Variants in PRDM5 observed in about 807,000 individuals in gnomAD.
PRDM5 encodes the protein PR/SET domain 5, also known as PR domain zinc finger protein 5.
A neutral mutation model predicts 81.2 loss-of-function variants in PRDM5; 56 were observed. The observed-to-expected ratio is 0.69, with a 90% CI of 0.56 to 0.86. The LOEUF (loss-of-function observed/expected upper bound fraction) is 0.86. Ranked by LOEUF, PRDM5 falls within the 40% of genes least tolerant of loss-of-function variation. The probability of loss-of-function intolerance (pLI) is 0.00; values close to 1 mark genes in which losing one functional copy is unlikely to be tolerated. For missense variants in PRDM5, 697 were observed against 770.1 expected (o/e 0.91, Z 1.12); for synonymous variants, 267 against 256.4 (o/e 1.04, Z -0.39).
chr4:120,865,618 C>T lies in PRDM5; in HGVS notation c.178-12078G>A, dbSNP rs542201972. On this transcript the variant is annotated intron_variant, in intron 2 of 15. Transcript: ENST00000264808. Reference sequence around the variant, plus strand: ...ATAGCGATGCATGGTTGGATTTGCTCGAGGTCAGATGACTGCTAGCCCAGA... The same window carrying T: ...ATAGCGATGCATGGTTGGATTTGCTTGAGGTCAGATGACTGCTAGCCCAGA... 8.5e-5 allele frequency among the ~76,000 whole-genome samples: 13 copies of T among 152,248 alleles called. No homozygotes were observed. In the East Asian group the frequency reaches 2.5e-3, roughly 29 times the overall value.
At chr4:120,699,161 AATATATATATATATATATAT>A (rs70948358) in intron 15 of PRDM5, among the ~76,000 whole-genome samples, 68 of 73,482 alleles carry the variant, frequency 9.3e-4, no homozygotes, top group African/African-American at 2.0e-3. Context: ...AGGAAATATA[AATATATATATATATATATAT>A]ATATATATAT....
rs1469515609 is a variant in PRDM5, at chr4:120,816,457, G to A, written c.861C>T (p.His287=). 1 of 1,614,210 alleles carries A rather than the reference G, an allele frequency of 6.2e-7. No individual in the cohort carries two copies. The highest frequency in any genetic ancestry group is 1.1e-5 in the South Asian group (1 of 91,090). The change falls in exon 7 of 16, where the codon CAC becomes CAT. Residue 287 remains histidine (H), a synonymous_variant. Transcript: ENST00000264808. The part of the protein sequence containing the change: ...DALKRHQENV[H]TGDPKKKLIC... Reference sequence around the variant, plus strand: ...GACCCTCCAACGACTCCTCACCAGTGTGGACATTTTCCTGGTGTCTTTTCA... The same window carrying A: ...GACCCTCCAACGACTCCTCACCAGTATGGACATTTTCCTGGTGTCTTTTCA...
chr4:120,799,800 C>G (rs764178210), intron 8 of PRDM5, 55 bp from the exon 9 acceptor site: 18 of 1,587,776 alleles, frequency 1.1e-5, no homozygotes, highest in Non-Finnish European at 1.4e-5. Context: ...GTAAATTACA[C>G]AGCTCTCAAG....
At chr4:120,919,912 CTT>C (rs1311850136) in intron 1 of PRDM5, among the ~76,000 whole-genome samples, 4 of 152,080 alleles carry the variant, frequency 2.6e-5, no homozygotes, top group South Asian at 2.1e-4. Context: ...CTAACTGACT[CTT>C]TTCGTTTTCT....
chr4:120,789,350 T>C (rs897141944), intron 10 of PRDM5, among the ~76,000 whole-genome samples: 7 of 152,144 alleles, frequency 4.6e-5, no homozygotes, highest in South Asian at 4.1e-4. Context: ...CAAATATTAA[T>C]TCCATGAGAA....
rs142897932 is a variant in PRDM5 at position 120,792,218 on chromosome 4, T to C, written c.1188+6049A>G. 3.9e-3 allele frequency among the ~76,000 whole-genome samples: 598 copies of C among 152,276 alleles called. 3 individuals are homozygous for C. Among genetic ancestry groups the C allele is most frequent in the African/African-American group, 0.014 (579 of 41,548 alleles). On this transcript the variant is annotated intron_variant, in intron 10 of 15. Transcript: ENST00000264808. ...TAGGATCATTGGCCTTCATATATAT[T>C]GGCACATGTGGTAATAATTAACAAA...
chr4:120,707,904 T>A (rs1210630441), intron 15 of PRDM5, among the ~76,000 whole-genome samples: 1 of 152,032 alleles, frequency 6.6e-6, no homozygotes, highest in Non-Finnish European at 1.5e-5. Flanking sequence ...AGGAAGTATA[T>A]GGAAAGATGC....
intron 2 of PRDM5, among the ~76,000 whole-genome samples, chr4:120,906,013 C>G (rs762732204): frequency 6.6e-6 from 1 of 152,072 alleles, no homozygotes; most frequent in Non-Finnish European, 1.5e-5. Context: ...CTTCTGTTGC[C>G]TAGGCTGGAG....
chr4:120,826,424 CT>C (rs1267172228), intron 3 of PRDM5, among the ~76,000 whole-genome samples: 3 of 152,112 alleles, frequency 2.0e-5, no homozygotes, highest in African/African-American at 7.2e-5. Flanking sequence ...ACTGTCTTAA[CT>C]TCAATTGGGC....
At chr4:120,754,098 T>A (rs3789139) in intron 14 of PRDM5, among the ~76,000 whole-genome samples, 7,045 of 152,248 alleles carry the variant, frequency 0.046, 320 homozygotes, top group Middle Eastern at 0.15. Flanking sequence ...CTACACTTCC[T>A]TATTTTCCAC....
At chr4:120,793,364 C>T (rs778975888) in intron 10 of PRDM5, among the ~76,000 whole-genome samples, 7 of 152,172 alleles carry the variant, frequency 4.6e-5, no homozygotes, top group Non-Finnish European at 1.0e-4. Flanking sequence ...AGGGCTCCCA[C>T]TGATTCTACA....
At chr4:120,819,637 C>T (rs944383801) in intron 4 of PRDM5, among the ~76,000 whole-genome samples, 4 of 152,052 alleles carry the variant, frequency 2.6e-5, no homozygotes, top group Non-Finnish European at 5.9e-5. Flanking sequence ...ATAATGAAAA[C>T]TGGTATTTTA....
intron 15 of PRDM5, among the ~76,000 whole-genome samples, chr4:120,708,831 A>G (rs11721741): frequency 0.17 from 25,112 of 152,078 alleles, 2,642 homozygotes; most frequent in Non-Finnish European, 0.24. Context: ...GGTGGGAAAC[A>G]GTGACTTCTA....
chr4:120,804,694 T>G (rs1752651772), intron 8 of PRDM5, among the ~76,000 whole-genome samples: 1 of 152,146 alleles, frequency 6.6e-6, no homozygotes, highest in Non-Finnish European at 1.5e-5. Context: ...GGGACACATT[T>G]AAAGTAGTGT....
chr4:120,809,282 T>C (rs1447086476), intron 8 of PRDM5, among the ~76,000 whole-genome samples: 1 of 150,518 alleles, frequency 6.6e-6, no homozygotes, highest in Non-Finnish European at 1.5e-5. Flanking sequence ...TTAGGAGATA[T>C]ACCTAATGTA....
intron 10 of PRDM5, among the ~76,000 whole-genome samples, chr4:120,789,295 A>G (rs567956429): frequency 6.6e-6 from 1 of 152,318 alleles, no homozygotes; most frequent in South Asian, 2.1e-4. Flanking sequence ...TTTCTGGCGT[A>G]ATGTACATTA....
chr4:120,759,400 C>A (rs540107850), intron 13 of PRDM5, among the ~76,000 whole-genome samples: 4 of 152,302 alleles, frequency 2.6e-5, no homozygotes, highest in Admixed American at 1.3e-4. Flanking sequence ...GGCAATCCTG[C>A]CTCTCTTTTG....
chr4:120,772,432 T>C (rs1369483511), intron 13 of PRDM5, among the ~76,000 whole-genome samples: 26 of 152,204 alleles, frequency 1.7e-4, no homozygotes, highest in Non-Finnish European at 1.5e-5. Context: ...ACAGTTCCTA[T>C]GCAAAAGTAG....
chr4:120,756,481 T>TA (rs1175354145), intron 13 of PRDM5, among the ~76,000 whole-genome samples: 1 of 152,184 alleles, frequency 6.6e-6, no homozygotes, highest in Non-Finnish European at 1.5e-5. Flanking sequence ...TTCTCTGATA[T>TA]ATCTAGAATT....
Sources: gnomAD v4.1 joint callset for allele counts (sites outside exome capture counted in the v4.1 genomes callset) on GRCh38, gnomAD v4.1.1 for gene constraint, MANE v1.5 for transcripts, NCBI Gene and HGNC (gene_info 2026-07-23, HGNC 2026-07-21) for gene names.